The following ORC5 variants were observed in gnomAD, a reference collection of about 807,000 sequenced individuals.
ORC5 encodes the protein protein phosphatase 1, regulatory subunit 117.
Under a neutral mutation model 58.8 loss-of-function variants are expected in ORC5, and 39 were observed. The ratio of observed to expected loss-of-function variants is 0.66; its 90% CI spans 0.51 to 0.87. The LOEUF (loss-of-function observed/expected upper bound fraction) is 0.87. Among genes scored for constraint, ORC5 ranks in the 40% least tolerant of loss-of-function variants. The pLI is 0.00. For missense variants in ORC5, 493 were observed against 506.3 expected (o/e 0.97, Z 0.25); for synonymous variants, 218 against 177.6 (o/e 1.23, Z -1.81).
At chr7:104,186,124 A>G (rs1799537645) in intron 6 of ORC5, among the ~76,000 whole-genome samples, 1 of 152,192 alleles carries the variant, frequency 6.6e-6, no homozygotes, top group African/African-American at 2.4e-5. Context: ...GTTAACAGCA[A>G]CTGGTACACA....
At chr7:104,180,797 CTAATA>C (rs578021031) in intron 8 of ORC5, among the ~76,000 whole-genome samples, 78 of 152,200 alleles carry the variant, frequency 5.1e-4, no homozygotes, top group African/African-American at 1.8e-3. Context: ...ACTTAGAGAT[CTAATA>C]TATCATCAAG....
chr7:104,148,384 C>A (rs779806771), intron 12 of ORC5, among the ~76,000 whole-genome samples: 4 of 152,172 alleles, frequency 2.6e-5, no homozygotes, highest in Non-Finnish European at 5.9e-5. Context: ...AATGACTACT[C>A]CACCTTGCAT....
At chr7:104,152,624 T>C (rs1240182942) in intron 12 of ORC5, among the ~76,000 whole-genome samples, 1 of 152,186 alleles carries the variant, frequency 6.6e-6, no homozygotes, top group Non-Finnish European at 1.5e-5. Flanking sequence ...CTCTTAAACA[T>C]GCATTTGCAA....
chr7:104,172,245 T>A (rs1244841932), intron 8 of ORC5, among the ~76,000 whole-genome samples: 1 of 152,242 alleles, frequency 6.6e-6, no homozygotes, highest in Non-Finnish European at 1.5e-5. Context: ...TAGGTGGCCA[T>A]AATTATCCTA....
At chr7:104,166,465 A>G (rs1466940328) in intron 10 of ORC5, among the ~76,000 whole-genome samples, 1 of 152,230 alleles carries the variant, frequency 6.6e-6, no homozygotes, top group Non-Finnish European at 1.5e-5. Context: ...TGAGTTTTAG[A>G]ACAACAAAGA....
chr7:104,177,804 G>A (rs1213769116), intron 8 of ORC5, among the ~76,000 whole-genome samples: 1 of 152,120 alleles, frequency 6.6e-6, no homozygotes, highest in Admixed American at 6.5e-5. Context: ...CGTCCACTTA[G>A]AGTGAGAACA....
chr7:104,201,949 G>T (rs1799955558), intron 2 of ORC5, among the ~76,000 whole-genome samples: 1 of 151,976 alleles, frequency 6.6e-6, no homozygotes, highest in African/African-American at 2.4e-5. Context: ...AATTAGACAG[G>T]CCTGGTGGTG....
In ORC5 at chr7:104,204,165, G is replaced by A. The variant is rs760122126; in HGVS notation, c.142C>T (p.Gln48Ter). The A allele has an allele frequency of 3.2e-6, 5 of 1,586,076 alleles. No individual in the cohort carries two copies. In the Admixed American group the frequency reaches 5.1e-5, roughly 16 times the overall value. Residue 48 changes from glutamine (Q) to a stop codon, truncating the protein, a stop_gained, in exon 2 of 14, where the codon CAA (glutamine) becomes TAA (stop). Transcript: ENST00000297431. LOFTEE classifies it high-confidence loss of function. ...HTASGKTYVT[Q>*]TLLKTLELPH... ...ACCTCTAAAGTTTTCAACAACGTTTGTGTTACATAGGTCTTTCCACTAGCA... is the reference window on the plus strand; with the variant it reads ...ACCTCTAAAGTTTTCAACAACGTTTATGTTACATAGGTCTTTCCACTAGCA...
chr7:104,205,426 A>C (rs532673716), intron 1 of ORC5, among the ~76,000 whole-genome samples: 51 of 152,240 alleles, frequency 3.3e-4, no homozygotes, highest in African/African-American at 1.2e-3. Flanking sequence ...AATTACAAGA[A>C]AATGGGATTA....
intron 5 of ORC5, among the ~76,000 whole-genome samples, chr7:104,193,882 C>T (rs968074827): frequency 1.3e-5 from 2 of 151,608 alleles, no homozygotes; most frequent in Non-Finnish European, 2.9e-5. Flanking sequence ...TTCATCTATG[C>T]TGCTTTGTAT....
intron 13 of ORC5, among the ~76,000 whole-genome samples, chr7:104,135,082 C>T (rs748984601): frequency 1.3e-5 from 2 of 152,064 alleles, no homozygotes; most frequent in African/African-American, 2.4e-5. Context: ...CACTAAGTAA[C>T]GTCAAATTAA....
In ORC5 at chr7:104,161,188, A is replaced by C; in HGVS notation, c.1039-6T>G. 3.3e-6 allele frequency: 5 copies of C among 1,498,602 alleles called. No homozygotes were observed. Among genetic ancestry groups the C allele is most frequent in the Non-Finnish European group, 4.6e-6 (5 of 1,077,682 alleles). 92.8% of individuals were successfully genotyped at this position (1,498,602 alleles called of 1,614,324 possible). On this transcript the variant is annotated splice_polypyrimidine_tract_variant and splice_region_variant and intron_variant, in intron 11 of 13. Coordinates refer to ENST00000297431, the MANE Select transcript of ORC5 (RefSeq NM_002553.4). ...CCAAGGAGATGATTGCTTGTCTGTA[A>C]AAAACAAAACAAAAACATGGATTTT...
rs184319024 is a variant in ORC5 at position 104,136,861 on chromosome 7, G to T, written c.1182C>A (p.Thr394=). 4.3e-6 allele frequency: 7 copies of T among 1,613,670 alleles called. No individual in the cohort carries two copies. The East Asian group carries it at 1.6e-4, about 36-fold the overall frequency. ...CAAGCTGATCGTCATGGCCAACCAG[G>T]GTTAACAGCTGAAGGGTCACTAGAG... ...ITSLVTLQLL[T]LVGHDDQLDG... is the part of the protein sequence containing the mutation. Residue 394 remains threonine (T), a synonymous_variant, in exon 13 of 14, where the codon ACC becomes ACA. Coordinates refer to ENST00000297431, the MANE Select transcript of ORC5 (RefSeq NM_002553.4). The surrounding 1 kb of genome is among the most constrained non-coding windows in gnomAD (Gnocchi z 4.2).
At chr7:104,181,564 T>C (rs898929325) in intron 8 of ORC5, among the ~76,000 whole-genome samples, 1 of 151,872 alleles carries the variant, frequency 6.6e-6, no homozygotes, top group African/African-American at 2.4e-5. Flanking sequence ...GGCAGGCAGA[T>C]CACGAGGTCA....
At position 104,197,760 on chromosome 7, in the gene ORC5, T is replaced by A; in HGVS notation, c.406A>T (p.Asn136Tyr). The change falls in exon 4 of 14, where the codon AAT becomes TAT. Residue 136 changes from asparagine (N) to tyrosine (Y), a missense_variant. By Grantham distance (143) the Asn-to-Tyr change is moderately radical. Transcript: ENST00000297431. ...KAEYLRDMEANLLPGFLRLQE... is the reference protein window; with the variant it reads ...KAEYLRDMEAYLLPGFLRLQE... ...AATCTAAGAAATCCAGGCAAAAGATTTGCTTCCATATCTCTTAGATACTCT... is the reference window on the plus strand; with the variant it reads ...AATCTAAGAAATCCAGGCAAAAGATATGCTTCCATATCTCTTAGATACTCT... 2 of 1,599,990 alleles carry A rather than the reference T, an allele frequency of 1.3e-6. No homozygotes were observed. Among genetic ancestry groups the A allele is most frequent in the South Asian group, 1.2e-5 (1 of 86,432 alleles).
rs1798547727 is a variant in ORC5, at chr7:104,133,726, A to G, written c.1262+3055T>C. Among the ~76,000 whole-genome samples, 1 of 152,168 alleles carries G rather than the reference A, an allele frequency of 6.6e-6. No individual in the cohort carries two copies. The highest frequency in any genetic ancestry group is 1.5e-5 in the Non-Finnish European group (1 of 68,038). ...GAGAAAAGAGCCTAGGGCCAAGCCT[A>G]AAGGAACAGTTATATTTAAAGGTCA... On this transcript the variant is annotated intron_variant, in intron 13 of 13. Coordinates refer to ENST00000297431, the MANE Select transcript of ORC5 (RefSeq NM_002553.4). The surrounding 1 kb of genome is among the most constrained non-coding windows in gnomAD (Gnocchi z 4.7).
chr7:104,201,653 T>C (rs539358069), intron 2 of ORC5, among the ~76,000 whole-genome samples: 3 of 144,902 alleles, frequency 2.1e-5, no homozygotes, highest in African/African-American at 7.6e-5. Flanking sequence ...AGAAAAGAAA[T>C]CTAAGCATAT....
intron 8 of ORC5, among the ~76,000 whole-genome samples, chr7:104,171,227 G>C (rs1041879946): frequency 3.3e-5 from 5 of 152,164 alleles, no homozygotes; most frequent in Admixed American, 3.3e-4. Context: ...TGGGTGTTAA[G>C]GGGGAAATGT....
intron 12 of ORC5, among the ~76,000 whole-genome samples, chr7:104,152,015 G>C (rs575025678): frequency 7.9e-5 from 12 of 152,218 alleles, no homozygotes; most frequent in Non-Finnish European, 1.6e-4. Context: ...AGCTACTGCT[G>C]TATGTCTATA....
Sources: allele counts gnomAD v4.1 joint callset (sites outside exome capture counted in the v4.1 genomes callset), GRCh38; gene constraint gnomAD v4.1.1; non-coding constraint Gnocchi (gnomAD v3.1); transcripts MANE v1.5; gene names NCBI Gene and HGNC (gene_info 2026-07-23, HGNC 2026-07-21).